PPFIBP2: variants seen among roughly 807,000 people sequenced by gnomAD.
PPFIBP2 encodes the protein liprin-beta-2.
In PPFIBP2, 118 loss-of-function variants were observed where a neutral mutation model predicts 118.3. That is an observed-to-expected ratio of 1.00 (90% CI 0.86 to 1.16). The LOEUF (loss-of-function observed/expected upper bound fraction) is 1.16, where lower values mean the gene tolerates loss of function less well. Ranked by LOEUF, PPFIBP2 falls within the 50% of genes most tolerant of loss-of-function variation. The pLI, the probability that PPFIBP2 is intolerant of heterozygous loss-of-function variation, is 0.00. For missense variants in PPFIBP2, 1,195 were observed against 1,073.1 expected (o/e 1.11, Z -1.59); for synonymous variants, 414 against 397.4 (o/e 1.04, Z -0.50).
At position 7,629,437 on chromosome 11, in the gene PPFIBP2, ATC is replaced by A; in HGVS notation, c.889-18_889-17del. 1 of 1,609,814 alleles carries A rather than the reference ATC, an allele frequency of 6.2e-7. No homozygotes were observed. On this transcript the variant is annotated intron_variant, in intron 9 of 23. Coordinates refer to ENST00000299492, the MANE Select transcript of PPFIBP2 (RefSeq NM_003621.5). ...AGATGCCAGCATAGCATTAATCTAA[ATC>A]TCTACTTGCACTATGGCAGGACCGT... is the stretch of plus-strand genomic sequence containing the variant.
intron 6 of PPFIBP2, chr11:7,617,424 A>C (rs1004954940): frequency 2.4e-5 from 12 of 495,858 alleles, no homozygotes; most frequent in Admixed American, 6.4e-5. Context: ...CTCTGGGCAG[A>C]GCTTGGACTC....
At chr11:7,650,057 A>G (rs892660088) in intron 21 of PPFIBP2, among the ~76,000 whole-genome samples, 8 of 152,262 alleles carry the variant, frequency 5.3e-5, no homozygotes, top group African/African-American at 1.9e-4. Flanking sequence ...CCCTACTTGT[A>G]GATCCAAAAT....
chr11:7,554,715 G>C (rs1046754070), intron 2 of PPFIBP2, among the ~76,000 whole-genome samples: 1 of 152,058 alleles, frequency 6.6e-6, no homozygotes, highest in Non-Finnish European at 1.5e-5. Context: ...GAAATGCCTT[G>C]TAAGCAGGAC....
chr11:7,572,531 C>T (rs562931818), intron 3 of PPFIBP2, among the ~76,000 whole-genome samples: 1 of 152,326 alleles, frequency 6.6e-6, no homozygotes, highest in African/African-American at 2.4e-5. Flanking sequence ...AATCCTTCCC[C>T]ACTATATTTC....
chr11:7,599,442 G>A (rs1267029459), intron 5 of PPFIBP2, among the ~76,000 whole-genome samples: 1 of 152,166 alleles, frequency 6.6e-6, no homozygotes, highest in African/African-American at 2.4e-5. Flanking sequence ...CTGACTGCCT[G>A]TGCTGGCTTC....
intron 1 of PPFIBP2, among the ~76,000 whole-genome samples, chr11:7,549,118 G>A (rs2134524283): frequency 6.6e-6 from 1 of 152,268 alleles, no homozygotes; most frequent in Admixed American, 6.5e-5. Context: ...TTCACAGTGG[G>A]GTCGGAGCTT....
chr11:7,543,104 G>T (rs551070673), intron 1 of PPFIBP2, among the ~76,000 whole-genome samples: 1 of 152,148 alleles, frequency 6.6e-6, no homozygotes, highest in Non-Finnish European at 1.5e-5. Flanking sequence ...AGAATTTAGC[G>T]CTGCCATCAA....
rs183873059 is a variant in PPFIBP2, at chr11:7,582,122, G to T, written c.280-11010G>T. ...CAAAGTGCTGGGATTACAGGCGTGA[G>T]CCACCGTGCCCAGCCAATTCAATGT... On this transcript the variant is annotated intron_variant, in intron 3 of 23. Coordinates refer to ENST00000299492, the MANE Select transcript of PPFIBP2 (RefSeq NM_003621.5). 2.8e-3 allele frequency among the ~76,000 whole-genome samples: 421 copies of T among 152,290 alleles called. 5 individuals carry two copies. Among genetic ancestry groups the T allele is most frequent in the African/African-American group, 9.7e-3 (405 of 41,564 alleles).
At chr11:7,594,946 A>C (rs1360319098) in intron 4 of PPFIBP2, among the ~76,000 whole-genome samples, 1 of 148,318 alleles carries the variant, frequency 6.7e-6, no homozygotes, top group Non-Finnish European at 1.5e-5. Context: ...AAGAAAAAGG[A>C]GAGTGTGAAT....
chr11:7,607,177 TGGGATTAC>T, intron 5 of PPFIBP2, among the ~76,000 whole-genome samples: 1 of 150,392 alleles, frequency 6.6e-6, no homozygotes, highest in South Asian at 2.1e-4. Flanking sequence ...CCCAAAGTGC[TGGGATTAC>T]AGGCGTGAGC....
the PPFIBP2 span, among the ~76,000 whole-genome samples, chr11:7,663,236 G>C: frequency 3.7e-5 from 5 of 136,432 alleles, no homozygotes; most frequent in Non-Finnish European, 8.5e-5. Context: ...GCTTTTTAGA[G>C]TTTCCAGTTT....
intron 9 of PPFIBP2, among the ~76,000 whole-genome samples, chr11:7,628,822 G>A (rs1850370587): frequency 6.6e-6 from 1 of 152,172 alleles, no homozygotes. Context: ...AGAGTGCCTG[G>A]CTGGTATAAA....
chr11:7,638,668 A>T (rs1197409013), intron 14 of PPFIBP2, among the ~76,000 whole-genome samples: 3 of 152,238 alleles, frequency 2.0e-5, no homozygotes, highest in Non-Finnish European at 4.4e-5. Context: ...TTCAGGATCT[A>T]ATCAGGTGAT....
At chr11:7,618,473 A>G in intron 6 of PPFIBP2, among the ~76,000 whole-genome samples, 1 of 152,142 alleles carries the variant, frequency 6.6e-6, no homozygotes, top group East Asian at 1.9e-4. Context: ...TGATTCTGAT[A>G]TCAGCTGGCC....
At chr11:7,659,249 GTT>G, downstream of PPFIBP2, among the ~76,000 whole-genome samples, 1 of 149,536 alleles carries the variant, frequency 6.7e-6, no homozygotes, top group Non-Finnish European at 1.5e-5. Flanking sequence ...TAATGCCTAG[GTT>G]TTCTTCTAGG....
chr11:7,665,274 C>T, the PPFIBP2 span: 9 of 1,085,086 alleles, frequency 8.3e-6, no homozygotes, highest in African/African-American at 1.3e-4. Context: ...AGGTACATGG[C>T]AAGGCACTTT....
intron 17 of PPFIBP2, among the ~76,000 whole-genome samples, chr11:7,646,288 A>T (rs141030459): frequency 6.6e-6 from 1 of 152,254 alleles, no homozygotes; most frequent in Non-Finnish European, 1.5e-5. Flanking sequence ...GATTAGCCAT[A>T]GCGTTAGAAA....
intron 3 of PPFIBP2, among the ~76,000 whole-genome samples, chr11:7,569,456 C>T (rs1282823678): frequency 1.3e-5 from 2 of 152,192 alleles, no homozygotes; most frequent in South Asian, 2.1e-4. Flanking sequence ...GAGAAGTGGG[C>T]TCTGGGCCTA....
chr11:7,605,118 G>A (rs541718629), intron 5 of PPFIBP2, among the ~76,000 whole-genome samples: 1 of 152,170 alleles, frequency 6.6e-6, no homozygotes, highest in African/African-American at 2.4e-5. Context: ...TCTGAACTAG[G>A]GAACAGTTTT....
Sources: allele counts gnomAD v4.1 joint callset (sites outside exome capture counted in the v4.1 genomes callset), GRCh38; gene constraint gnomAD v4.1.1; transcripts MANE v1.5; gene names NCBI Gene and HGNC (gene_info 2026-07-23, HGNC 2026-07-21).